TBC1D8B: variants seen among roughly 807,000 people sequenced by gnomAD.
TBC1D8B encodes the protein RP11-321G1.1.
TBC1D8B carries 75 observed loss-of-function variants against 82.9 expected under a neutral mutation model. The ratio of observed to expected loss-of-function variants is 0.90; its 90% CI spans 0.75 to 1.10. The LOEUF is 1.10. TBC1D8B is among the 50% of genes least tolerant of loss of function. The probability of loss-of-function intolerance (pLI) is 0.00; values close to 1 mark genes in which losing one functional copy is unlikely to be tolerated. For synonymous variants in TBC1D8B, 276 were observed against 276.8 expected, an observed-to-expected ratio of 1.00 and a Z score of 0.03; for missense variants, 794 against 796.9, an observed-to-expected ratio of 1.00 and a Z score of 0.04.
intron 14 of TBC1D8B, among the ~76,000 whole-genome samples, chrX:106,855,697 T>A (rs1397306557): frequency 8.9e-6 from 1 of 112,066 alleles, no homozygotes; most frequent in African/African-American, 3.2e-5. Context: ...TTCTTGTATA[T>A]CTATTCTTTG....
intron 2 of TBC1D8B, 150 bp downstream of exon 2, chrX:106,818,923 T>G (rs886679067): frequency 6.8e-6 from 3 of 440,503 alleles, no homozygotes; most frequent in Admixed American, 4.5e-5. Context: ...GACCTCTATT[T>G]TTAAAGGATA....
intron 14 of TBC1D8B, 40 bp downstream of exon 14, chrX:106,854,336 T>C (rs770881225): frequency 6.9e-6 from 6 of 868,607 alleles, no homozygotes; most frequent in Admixed American, 7.4e-5. Flanking sequence ...GTTGGAGTAA[T>C]TTTTTTTTTC....
At chrX:106,849,075 C>T (rs1434261379) in intron 11 of TBC1D8B, among the ~76,000 whole-genome samples, 7 of 109,299 alleles carry the variant, frequency 6.4e-5, no homozygotes, top group African/African-American at 2.3e-4. Flanking sequence ...CCGCGCCTGG[C>T]CAATATTTTC....
At chrX:106,867,511 A>G (rs1484918558) in intron 17 of TBC1D8B, among the ~76,000 whole-genome samples, 1 of 111,740 alleles carries the variant, frequency 8.9e-6, no homozygotes, top group Admixed American at 9.6e-5. Flanking sequence ...ATTTCTTTAT[A>G]TTCTTCCGTA....
chrX:106,872,058 A>G (rs1347288405), intron 20 of TBC1D8B, among the ~76,000 whole-genome samples: 1 of 110,385 alleles, frequency 9.1e-6, no homozygotes, highest in Non-Finnish European at 1.9e-5. Context: ...TGGAAGCTTC[A>G]TGATGTCAGC....
chrX:106,818,557 G>T, intron 1 of TBC1D8B, 106 bp from the exon 2 acceptor site: 1 of 519,957 alleles, frequency 1.9e-6, no homozygotes, highest in East Asian at 3.9e-5. Context: ...GACTCTATGG[G>T]CTAGAAAAGT....
chrX:106,843,358 T>C (rs1455825993), intron 10 of TBC1D8B, among the ~76,000 whole-genome samples: 1 of 111,946 alleles, frequency 8.9e-6, no homozygotes, highest in Non-Finnish European at 1.9e-5. Flanking sequence ...ATTTTATTTT[T>C]TTACCAAATC....
In TBC1D8B at chrX:106,849,220, A is replaced by ATTTTTTTTTTTTTTT; in HGVS notation, c.1838-797_1838-783dup. The ATTTTTTTTTTTTTTT allele has an allele frequency of 3.4e-6, 3 of 880,857 alleles. 1 individual carries two copies. The allele number at this position is 880,857 out of a possible 1,213,427, so 72.6% of individuals were successfully genotyped here. On this transcript the variant is annotated intron_variant, in intron 11 of 20. Coordinates refer to ENST00000357242, the MANE Select transcript of TBC1D8B (RefSeq NM_017752.3). ...TGTCTTTCATTATAATTATTTGTGT[A>ATTTTTTTTTTTTTTT]TTTTTTTTTTTTTTTTTTTTTTAGG... is the stretch of plus-strand genomic sequence containing the variant.
At chrX:106,819,803 A>T (rs1472249317) in intron 2 of TBC1D8B, among the ~76,000 whole-genome samples, 1 of 110,735 alleles carries the variant, frequency 9.0e-6, no homozygotes, top group African/African-American at 3.3e-5. Context: ...ATTTTTTTTA[A>T]AAAAAGGCCT....
chrX:106,804,490 C>A lies in TBC1D8B; in HGVS notation c.130+1507C>A, dbSNP rs115319195. Among the ~76,000 whole-genome samples the A allele has an allele frequency of 6.1e-3, 685 of 111,854 alleles. 7 individuals carry two copies. The highest frequency in any genetic ancestry group is 0.021 in the African/African-American group (643 of 30,787). On this transcript the variant is annotated intron_variant, in intron 1 of 20. Transcript: ENST00000357242. Reference sequence around the variant, plus strand: ...TACAAATGCTATTTTGCAGAAGAGTCTTTCCATTTAATAGATGCAGATATT... The same window carrying A: ...TACAAATGCTATTTTGCAGAAGAGTATTTCCATTTAATAGATGCAGATATT...
intron 1 of TBC1D8B, among the ~76,000 whole-genome samples, chrX:106,807,593 T>C (rs955763268): frequency 4.5e-5 from 5 of 110,398 alleles, no homozygotes; most frequent in African/African-American, 1.7e-4. Flanking sequence ...TGACCGTCCT[T>C]TATTTCTCAA....
chrX:106,846,081 TTC>T (rs1392367284), intron 10 of TBC1D8B, among the ~76,000 whole-genome samples: 6 of 104,078 alleles, frequency 5.8e-5, no homozygotes, highest in Non-Finnish European at 7.9e-5. Flanking sequence ...TCTTTCTTTT[TTC>T]TCTCTCTCTC....
At chrX:106,858,462 C>T (rs1190923449) in intron 14 of TBC1D8B, among the ~76,000 whole-genome samples, 2 of 111,608 alleles carry the variant, frequency 1.8e-5, no homozygotes, top group African/African-American at 6.5e-5. Context: ...TTAGTAGAGA[C>T]GGGGTTTCAC....
At chrX:106,833,584 A>G (rs1932095457) in intron 7 of TBC1D8B, among the ~76,000 whole-genome samples, 1 of 111,725 alleles carries the variant, frequency 9.0e-6, no homozygotes. Flanking sequence ...AATGTTTTTT[A>G]TTTTATTTCT....
chrX:106,820,665 T>C (rs1395524899), intron 2 of TBC1D8B, among the ~76,000 whole-genome samples: 1 of 111,869 alleles, frequency 8.9e-6, no homozygotes, highest in African/African-American at 3.2e-5. Flanking sequence ...TCCCCTTTCA[T>C]TAAATGTTTT....
chrX:106,840,025 T>G (rs1376198793), intron 8 of TBC1D8B, 23 bp from the exon 9 acceptor site: 1 of 1,175,685 alleles, frequency 8.5e-7, no homozygotes, highest in Admixed American at 2.5e-5. Flanking sequence ...AATTTAGTTG[T>G]TTTGATTTTT....
chrX:106,831,591 T>C (rs1157263407), intron 7 of TBC1D8B, among the ~76,000 whole-genome samples: 2 of 112,052 alleles, frequency 1.8e-5, no homozygotes, highest in Admixed American at 1.9e-4. Flanking sequence ...GCTCAACATA[T>C]CTTTCTTTTT....
chrX:106,818,434 G>A (rs1191709491), intron 1 of TBC1D8B: 1 of 283,715 alleles, frequency 3.5e-6, no homozygotes, highest in African/African-American at 2.8e-5. Flanking sequence ...GACAATTGAA[G>A]CTGACTTAAC....
intron 1 of TBC1D8B, chrX:106,813,743 T>C (rs780537013): frequency 2.9e-4 from 33 of 112,247 alleles, no homozygotes; most frequent in African/African-American, 8.7e-4. Context: ...TTTTTCAACA[T>C]AGTGATAGCT....
Sources: allele counts gnomAD v4.1 joint callset (sites outside exome capture counted in the v4.1 genomes callset), GRCh38; gene constraint gnomAD v4.1.1; transcripts MANE v1.5; gene names NCBI Gene and HGNC (gene_info 2026-07-23, HGNC 2026-07-21).